TRAPPC12: variants seen among roughly 807,000 people sequenced by gnomAD.
TRAPPC12 encodes the protein trafficking protein particle complex subunit 12, also known as TPR repeat protein 15.
TRAPPC12 carries 61 observed loss-of-function variants against 69.2 expected under a neutral mutation model. That is an observed-to-expected ratio of 0.88 (90% CI 0.72 to 1.09). TRAPPC12 has a LOEUF of 1.09. TRAPPC12 is among the 50% of genes least tolerant of loss of function. The pLI is 0.00. For synonymous variants in TRAPPC12, 469 were observed against 438.9 expected, an observed-to-expected ratio of 1.07 and a Z score of -0.86; for missense variants, 1,101 against 1,016.4, an observed-to-expected ratio of 1.08 and a Z score of -1.13.
intron 2 of TRAPPC12, among the ~76,000 whole-genome samples, chr2:3,392,863 CAG>C (rs747219369): frequency 1.3e-5 from 2 of 152,272 alleles, no homozygotes; most frequent in Non-Finnish European, 2.9e-5. Flanking sequence ...ATCGGGATCT[CAG>C]AGAGATGCCT....
rs1457422560 is a variant in TRAPPC12 at position 3,379,866 on chromosome 2, G to A, written c.-15G>A. 1 of 152,522 alleles carries A rather than the reference G, an allele frequency of 6.6e-6. No individual in the cohort carries two copies. Among genetic ancestry groups the A allele is most frequent in the Non-Finnish European group, 1.5e-5 (1 of 68,270 alleles). The allele number at this position is 152,522 out of a possible 1,614,324, so 9.4% of individuals were successfully genotyped here. ...TGACCCCTTAGCCCAGCTCCAGTGG[G>A]CGGGTGGCAGGTGAGGATCAGGGCC... On this transcript the variant is annotated 5_prime_UTR_variant, in exon 1 of 12. Transcript: ENST00000324266.
intron 8 of TRAPPC12, 142 bp downstream of exon 8, chr2:3,460,478 C>T (rs575273155): frequency 3.4e-4 from 209 of 606,750 alleles, no homozygotes; most frequent in East Asian, 3.3e-4. Flanking sequence ...TAACAGGGAG[C>T]CCAGTGACAC....
At chr2:3,422,400 G>T (rs1326831879) in intron 4 of TRAPPC12, among the ~76,000 whole-genome samples, 1 of 152,008 alleles carries the variant, frequency 6.6e-6, no homozygotes, top group African/African-American at 2.4e-5. Flanking sequence ...GCTCCTCGTG[G>T]TATATCACTT....
rs373211069 is a variant in TRAPPC12, at chr2:3,465,472, G to A, written c.1678-125G>A. ...CCGCGTGCTGGTTTCCAGCTTCCCC[G>A]CCAGCTCCTGCGTCAGCGTGTCCTC... On this transcript the variant is annotated intron_variant, in intron 8 of 11. Transcript: ENST00000324266. 4.0e-4 allele frequency: 268 copies of A among 669,802 alleles called. 1 individual carries two copies. The highest frequency in any genetic ancestry group is 3.1e-3 in the Admixed American group (118 of 38,236). The allele number at this position is 669,802 out of a possible 1,614,324, so 41.5% of individuals were successfully genotyped here.
chr2:3,423,111 GGAACCACCAGGCTGCCTAAAGAGGGT>G (rs1438276065), intron 4 of TRAPPC12, among the ~76,000 whole-genome samples: 2 of 152,228 alleles, frequency 1.3e-5, no homozygotes, highest in Non-Finnish European at 2.9e-5. Context: ...CCTAGAGCCA[GGAACCACCAGGCTGCCTAAAGAGGGT>G]GAACCACCCT....
intron 10 of TRAPPC12, 187 bp from the exon 11 acceptor site, chr2:3,478,659 G>C (rs1226557618): frequency 1.8e-6 from 1 of 557,354 alleles, no homozygotes; most frequent in African/African-American, 1.9e-5. Flanking sequence ...ATAAAAACTA[G>C]AGTGGCTTTA....
intron 5 of TRAPPC12, among the ~76,000 whole-genome samples, chr2:3,424,942 TAGTAGACGTCTGAGCTGCGCTCCAC>T (rs1422181610): frequency 6.6e-6 from 1 of 152,206 alleles, no homozygotes; most frequent in African/African-American, 2.4e-5. Context: ...AGGGGCCGGG[TAGTAGACGTCTGAGCTGCGCTCCAC>T]AGGGAAGAGC....
intron 5 of TRAPPC12, among the ~76,000 whole-genome samples, chr2:3,436,674 A>G (rs1663803989): frequency 6.6e-6 from 1 of 151,836 alleles, no homozygotes; most frequent in Non-Finnish European, 1.5e-5. Context: ...TTGCGTGTTC[A>G]TTGTACTGTC....
chr2:3,383,591 G>C (rs1166196923), intron 1 of TRAPPC12, among the ~76,000 whole-genome samples: 3 of 151,738 alleles, frequency 2.0e-5, no homozygotes, highest in Admixed American at 6.6e-5. Context: ...ATTTTTAGTA[G>C]AGACGGGGTT....
At chr2:3,396,643 C>A (rs1661149777) in intron 2 of TRAPPC12, among the ~76,000 whole-genome samples, 1 of 152,056 alleles carries the variant, frequency 6.6e-6, no homozygotes, top group South Asian at 2.1e-4. Context: ...ATTTTGCAGT[C>A]TTTCTCTCTG....
chr2:3,457,814 C>G, intron 7 of TRAPPC12, 121 bp downstream of exon 7: 1 of 1,473,988 alleles, frequency 6.8e-7, no homozygotes, highest in Non-Finnish European at 8.9e-7. Flanking sequence ...CACGTGTCCA[C>G]TCGTGCATTT....
At chr2:3,434,455 G>T (rs1455253427) in intron 5 of TRAPPC12, among the ~76,000 whole-genome samples, 2 of 152,176 alleles carry the variant, frequency 1.3e-5, no homozygotes, top group East Asian at 3.8e-4. Context: ...TTTTTAACCT[G>T]TGCAAGACTT....
At chr2:3,425,348 T>C (rs1406623654) in intron 5 of TRAPPC12, among the ~76,000 whole-genome samples, 1 of 152,182 alleles carries the variant, frequency 6.6e-6, no homozygotes, top group African/African-American at 2.4e-5. Flanking sequence ...CAGGATGTCT[T>C]GTGAGGGCAG....
chr2:3,400,679 G>A (rs182084625), intron 2 of TRAPPC12, among the ~76,000 whole-genome samples: 248 of 152,272 alleles, frequency 1.6e-3, no homozygotes, highest in Middle Eastern at 6.8e-3. Context: ...CTCGGCCTGC[G>A]GTGCAGCCAC....
At chr2:3,389,285 C>T (rs1254366725) in intron 2 of TRAPPC12, among the ~76,000 whole-genome samples, 3 of 152,236 alleles carry the variant, frequency 2.0e-5, no homozygotes, top group African/African-American at 4.8e-5. Flanking sequence ...CCTGCCGGGC[C>T]GCACCTGGCT....
At chr2:3,463,443 TG>T (rs1665621851) in intron 8 of TRAPPC12, among the ~76,000 whole-genome samples, 1 of 151,388 alleles carries the variant, frequency 6.6e-6, no homozygotes, top group Admixed American at 6.6e-5. Context: ...GCCCCCGGCC[TG>T]GAATCCAGCT....
intron 2 of TRAPPC12, among the ~76,000 whole-genome samples, chr2:3,395,481 AAGGGC>A (rs947510325): frequency 9.9e-5 from 15 of 151,262 alleles, no homozygotes; most frequent in African/African-American, 3.6e-4. Flanking sequence ...GTGTCTTTTG[AAGGGC>A]AGAAATTTTA....
At chr2:3,409,484 A>G (rs1030894200) in intron 3 of TRAPPC12, among the ~76,000 whole-genome samples, 4 of 152,198 alleles carry the variant, frequency 2.6e-5, no homozygotes, top group South Asian at 4.1e-4. Flanking sequence ...ACAATGGCTC[A>G]TGCCTGCAAT....
At chr2:3,460,000 G>A (rs933302391) in intron 7 of TRAPPC12, 90 of 579,666 alleles carry the variant, frequency 1.6e-4, no homozygotes, top group African/African-American at 1.4e-3. Context: ...TTGGCCTTGT[G>A]TCTGGGCTGA....
Sources: gnomAD v4.1 joint callset for allele counts (sites outside exome capture counted in the v4.1 genomes callset) on GRCh38, gnomAD v4.1.1 for gene constraint, MANE v1.5 for transcripts, NCBI Gene and HGNC (gene_info 2026-07-23, HGNC 2026-07-21) for gene names.